USP39: variants seen among roughly 807,000 people sequenced by gnomAD.
The protein encoded by USP39 is ubiquitin carboxyl-terminal hydrolase 39.
In USP39, 38 loss-of-function variants were observed where a neutral mutation model predicts 66.4. That is an observed-to-expected ratio of 0.57 (90% CI 0.44 to 0.75). The LOEUF (loss-of-function observed/expected upper bound fraction) is 0.75. Ranked by LOEUF, USP39 falls within the 30% of genes least tolerant of loss-of-function variation. USP39 has a pLI of 0.00. For missense variants in USP39, 608 were observed against 714.4 expected (o/e 0.85, Z 1.70); for synonymous variants, 303 against 274.6 (o/e 1.10, Z -1.02).
At chr2:85,619,570 G>A (rs1447082879) in intron 2 of USP39, among the ~76,000 whole-genome samples, 1 of 149,044 alleles carries the variant, frequency 6.7e-6, no homozygotes, top group African/African-American at 2.5e-5. Context: ...TCTAGTATGT[G>A]CTGGATACTA....
upstream of USP39, chr2:85,609,624 G>C (rs200523901): frequency 1.9e-6 from 3 of 1,612,084 alleles, no homozygotes; most frequent in East Asian, 4.5e-5. Context: ...AAGAGGGGGG[G>C]TGCTGCTGAA....
At chr2:85,603,212 T>C (rs1673071712) in intron 1 of USP39, 2 of 152,262 alleles carry the variant, frequency 1.3e-5, no homozygotes, top group Non-Finnish European at 2.9e-5. Flanking sequence ...GGGATTTGGC[T>C]TATGGTTCCT....
intron 10 of USP39, among the ~76,000 whole-genome samples, chr2:85,643,735 C>A (rs1676430181): frequency 6.6e-6 from 1 of 151,072 alleles, no homozygotes; most frequent in Non-Finnish European, 1.5e-5. Flanking sequence ...GCAACCTTCG[C>A]CTCCTGGGTT....
chr2:85,604,165 T>G (rs1673124137), intron 1 of USP39, among the ~76,000 whole-genome samples: 1 of 152,164 alleles, frequency 6.6e-6, no homozygotes, highest in African/African-American at 2.4e-5. Context: ...GGGAGAAACC[T>G]TCTTGGACCC....
chr2:85,623,190 A>C (rs1674594245), intron 3 of USP39, among the ~76,000 whole-genome samples: 1 of 152,152 alleles, frequency 6.6e-6, no homozygotes, highest in Non-Finnish European at 1.5e-5. Context: ...CATTGTCCTG[A>C]ATATGGGCAT....
At chr2:85,637,248 G>T in intron 7 of USP39, 121 bp from the exon 8 acceptor site, 1 of 993,406 alleles carries the variant, frequency 1.0e-6, no homozygotes, top group South Asian at 1.4e-5. Flanking sequence ...TGTGTTTAGT[G>T]AGAGCTCTGT....
upstream of USP39, chr2:85,608,819 TGGATG>T: frequency 1.5e-6 from 2 of 1,315,538 alleles, no homozygotes; most frequent in Admixed American, 2.0e-5. Flanking sequence ...CAACACCCTA[TGGATG>T]CAGCAGCTCT....
intron 7 of USP39, among the ~76,000 whole-genome samples, chr2:85,636,420 C>T (rs1202509750): frequency 6.6e-6 from 1 of 152,154 alleles, no homozygotes; most frequent in East Asian, 1.9e-4. Flanking sequence ...AGGCTAGTAT[C>T]TATGTTATAG....
rs755677321 is a variant in USP39 at position 85,630,700 on chromosome 2, A to G, written c.724-21A>G. ...GGTCCTACAAAGGGGCTTTGGGTTA[A>G]TCGGAGTGTTTGATTTTTAGGCTCT... On this transcript the variant is annotated intron_variant, in intron 5 of 12. Transcript: ENST00000323701. 5 of 1,611,754 alleles carry G rather than the reference A, an allele frequency of 3.1e-6. No individual in the cohort carries two copies. In the East Asian group the frequency reaches 8.9e-5, roughly 29 times the overall value.
At chr2:85,634,674 A>G (rs1156651139) in intron 6 of USP39, among the ~76,000 whole-genome samples, 1 of 152,154 alleles carries the variant, frequency 6.6e-6, no homozygotes, top group African/African-American at 2.4e-5. Context: ...TGGCTAGGTT[A>G]TCTTGTGTTT....
chr2:85,639,453 TC>T (rs373845441), intron 9 of USP39, 62 bp downstream of exon 9: 28 of 1,455,786 alleles, frequency 1.9e-5, no homozygotes, highest in Admixed American at 6.7e-5. Context: ...TTTTTCATTT[TC>T]TTTTTTTTTT....
intron 5 of USP39, among the ~76,000 whole-genome samples, chr2:85,627,492 A>T (rs1372852190): frequency 1.3e-5 from 2 of 151,676 alleles, no homozygotes; most frequent in Non-Finnish European, 2.9e-5. Flanking sequence ...TGGGGAAAAC[A>T]TGTATAAATT....
chr2:85,637,458 C>A, intron 8 of USP39, 22 bp downstream of exon 8: 1 of 1,612,458 alleles, frequency 6.2e-7, no homozygotes, highest in Non-Finnish European at 8.5e-7. Flanking sequence ...GAGCCTGGGT[C>A]TTGGACTGAT....
intron 3 of USP39, among the ~76,000 whole-genome samples, chr2:85,621,873 C>CTG (rs1558852173): frequency 2.1e-5 from 2 of 95,478 alleles, no homozygotes; most frequent in African/African-American, 5.9e-5. Flanking sequence ...TATTTTGAGA[C>CTG]AGTGTTGCCC....
At chr2:85,624,829 G>A (rs2104266695) in intron 4 of USP39, among the ~76,000 whole-genome samples, 1 of 152,172 alleles carries the variant, frequency 6.6e-6, no homozygotes, top group African/African-American at 2.4e-5. Flanking sequence ...CGGGCATGAT[G>A]GCACATGCCT....
chr2:85,627,179 C>T (rs988306011), intron 5 of USP39, among the ~76,000 whole-genome samples: 4 of 151,988 alleles, frequency 2.6e-5, no homozygotes, highest in African/African-American at 9.7e-5. Context: ...TCACTGCAAC[C>T]TCTGCTCCCC....
intron 6 of USP39, 51 bp from the exon 7 acceptor site, chr2:85,636,001 TA>T (rs533730054): frequency 6.3e-7 from 1 of 1,577,040 alleles, no homozygotes; most frequent in South Asian, 1.1e-5. Context: ...TGGTTTAAGT[TA>T]ACTCTAATGC....
At chr2:85,613,467 G>A (rs902432382), upstream of USP39, among the ~76,000 whole-genome samples, 1 of 152,090 alleles carries the variant, frequency 6.6e-6, no homozygotes, top group African/African-American at 2.4e-5. Context: ...AGCCGAGATC[G>A]AGCCACTGCA....
chr2:85,620,315 C>T (rs1410682089), intron 2 of USP39, among the ~76,000 whole-genome samples: 2 of 151,640 alleles, frequency 1.3e-5, no homozygotes, highest in Non-Finnish European at 2.9e-5. Context: ...TTCAGCTCTA[C>T]AAAAAATAAA....
Sources: allele counts gnomAD v4.1 joint callset (sites outside exome capture counted in the v4.1 genomes callset), GRCh38; gene constraint gnomAD v4.1.1; transcripts MANE v1.5; gene names NCBI Gene and HGNC (gene_info 2026-07-23, HGNC 2026-07-21).